Variants in PJA2 observed in about 807,000 individuals in gnomAD.
The protein encoded by PJA2 is praja ring finger ubiquitin ligase 2.
A neutral mutation model predicts 69.3 loss-of-function variants in PJA2; 25 were observed. That is an observed-to-expected ratio of 0.36 (90% confidence interval 0.26 to 0.50). PJA2 has a LOEUF of 0.50. PJA2 is among the 20% of genes least tolerant of loss of function. The probability of loss-of-function intolerance (pLI) is 0.96; values close to 1 mark genes in which losing one functional copy is unlikely to be tolerated. For missense variants in PJA2, 809 were observed against 830.2 expected (o/e 0.97, Z 0.31); for synonymous variants, 308 against 277.8 (o/e 1.11, Z -1.08).
chr5:109,378,123 AG>A, intron 4 of PJA2, 80 bp downstream of exon 4: 2 of 978,228 alleles, frequency 2.0e-6, no homozygotes, highest in Non-Finnish European at 3.1e-6. Context: ...CATATCAAAT[AG>A]CCCAGCCATC....
At chr5:109,353,033 T>C (rs1429731665) in intron 7 of PJA2, among the ~76,000 whole-genome samples, 2 of 137,418 alleles carry the variant, frequency 1.5e-5, no homozygotes, top group Admixed American at 1.5e-4. Flanking sequence ...GATATCTATA[T>C]ATTAGATACC....
chr5:109,346,572 C>T (rs1401415294), intron 7 of PJA2, among the ~76,000 whole-genome samples: 2 of 152,136 alleles, frequency 1.3e-5, no homozygotes, highest in African/African-American at 2.4e-5. Flanking sequence ...AATATTACTC[C>T]GCCTTGAAAA....
intron 9 of PJA2, among the ~76,000 whole-genome samples, chr5:109,342,435 G>GC (rs1212736282): frequency 6.8e-4 from 89 of 131,110 alleles, no homozygotes; most frequent in Non-Finnish European, 6.4e-4. Flanking sequence ...GGGGATGTCG[G>GC]CCCCCCGCCC....
At chr5:109,396,046 A>G (rs2127015382) in intron 1 of PJA2, among the ~76,000 whole-genome samples, 1 of 152,128 alleles carries the variant, frequency 6.6e-6, no homozygotes, top group African/African-American at 2.4e-5. Context: ...ACAAGCAGAC[A>G]GGTTACAAAA....
chr5:109,353,474 G>T (rs1286504352), intron 7 of PJA2, among the ~76,000 whole-genome samples: 1 of 101,288 alleles, frequency 9.9e-6, no homozygotes, highest in Non-Finnish European at 2.3e-5. Flanking sequence ...TATATCTATA[G>T]ATATCTAATA....
At position 109,381,608 on chromosome 5, in the gene PJA2, C is replaced by A; in HGVS notation, c.127G>T (p.Val43Phe). The A allele has an allele frequency of 1.2e-6, 2 of 1,614,100 alleles. No homozygotes were observed. The highest frequency in any genetic ancestry group is 1.7e-6 in the Non-Finnish European group (2 of 1,180,008). ...CTGGTCATACATGGTTTAAAACTGACATAAGCATGTCTTCTTCCATATCTC... is the reference window on the plus strand; with the variant it reads ...CTGGTCATACATGGTTTAAAACTGAAATAAGCATGTCTTCTTCCATATCTC... The part of the protein sequence containing the change: ...GRRYGRRHAY[V>F]SFKPCMTRHE... Residue 43 changes from valine to phenylalanine, a missense_variant, in exon 3 of 10, where the codon GTC becomes TTC. Physicochemically the swap from Val to Phe is conservative, Grantham distance 50 (BLOSUM62 -1). Transcript: ENST00000361189.
Position 109,378,921 on chromosome 5 carries a change from T to C in PJA2, c.566A>G (p.Glu189Gly). ...TAATGATTCCTGGTATCTACTACCT[T>C]CCACGACTTCTGCAGAAAGTTGAAG... ...DHLQLSAEVV[E>G]GSRYQESLGN... The change falls in exon 4 of 10, where the codon GAA becomes GGA. Residue 189 changes from glutamate (E) to glycine (G), a missense_variant. By Grantham distance (98) the Glu-to-Gly change is moderately conservative. Around this residue, in one of 4 missense-constraint regions of PJA2, gnomAD observed 700 missense variants for 639.5 expected, o/e 1.09. Coordinates refer to ENST00000361189, the MANE Select transcript of PJA2 (RefSeq NM_014819.5). The C allele has an allele frequency of 1.9e-6, 3 of 1,614,202 alleles. No homozygotes were observed. Among genetic ancestry groups the C allele is most frequent in the Non-Finnish European group, 2.5e-6 (3 of 1,180,034 alleles).
At chr5:109,368,491 C>G (rs1762621998) in intron 5 of PJA2, 70 bp downstream of exon 5, 5 of 1,359,762 alleles carry the variant, frequency 3.7e-6, no homozygotes, top group Non-Finnish European at 5.0e-6. Flanking sequence ...ATGGCATATC[C>G]AACATTTGAA....
chr5:109,387,543 G>A (rs1747186290), intron 1 of PJA2, among the ~76,000 whole-genome samples: 1 of 152,154 alleles, frequency 6.6e-6, no homozygotes. Flanking sequence ...CTCTCTACTT[G>A]TGACAATTAG....
rs934886694 is a variant in PJA2 at position 109,375,903 on chromosome 5, G to C, written c.1283+2301C>G. Among the ~76,000 whole-genome samples the C allele has an allele frequency of 1.8e-4, 28 of 152,142 alleles. 1 individual carries two copies. The highest frequency in any genetic ancestry group is 2.9e-5 in the Non-Finnish European group (2 of 68,022). On this transcript the variant is annotated intron_variant, in intron 4 of 9. Transcript: ENST00000361189. ...ATCCTTTGCAGGGAATTAGGGTAGAGGAACAGGACACAGCAGCATAGAAAC... is the reference window on the plus strand; with the variant it reads ...ATCCTTTGCAGGGAATTAGGGTAGACGAACAGGACACAGCAGCATAGAAAC...
At chr5:109,349,306 C>G (rs1762214813) in intron 7 of PJA2, among the ~76,000 whole-genome samples, 2 of 152,198 alleles carry the variant, frequency 1.3e-5, no homozygotes, top group African/African-American at 4.8e-5. Flanking sequence ...CTCCTAACAG[C>G]TGGCATGATG....
chr5:109,341,450 C>A (rs1348024086), intron 9 of PJA2, among the ~76,000 whole-genome samples: 10 of 139,912 alleles, frequency 7.1e-5, no homozygotes, highest in African/African-American at 2.1e-4. Flanking sequence ...CCGGCAGCTG[C>A]CCCGTCTGAG....
At chr5:109,386,236 T>C (rs1003060010) in intron 1 of PJA2, among the ~76,000 whole-genome samples, 1 of 151,944 alleles carries the variant, frequency 6.6e-6, no homozygotes, top group Non-Finnish European at 1.5e-5. Context: ...AAAAGAAAAA[T>C]ACTGAAGTGT....
At chr5:109,365,591 T>A (rs79978477) in intron 5 of PJA2, among the ~76,000 whole-genome samples, 1 of 147,804 alleles carries the variant, frequency 6.8e-6, no homozygotes, top group Non-Finnish European at 1.5e-5. Context: ...CCTTTTTTTT[T>A]TAAAACAACT....
At chr5:109,354,363 C>A (rs1304566287) in intron 7 of PJA2, among the ~76,000 whole-genome samples, 3 of 132,396 alleles carry the variant, frequency 2.3e-5, no homozygotes, top group Admixed American at 7.3e-5. Flanking sequence ...ATATCTATAT[C>A]TAGAGATATC....
At chr5:109,374,751 G>A (rs1416046795) in intron 4 of PJA2, among the ~76,000 whole-genome samples, 2 of 152,168 alleles carry the variant, frequency 1.3e-5, no homozygotes, top group Non-Finnish European at 2.9e-5. Context: ...CAAAAATTCT[G>A]CAAGAAACCT....
At chr5:109,357,837 T>C (rs1224598536) in intron 6 of PJA2, among the ~76,000 whole-genome samples, 2 of 152,222 alleles carry the variant, frequency 1.3e-5, no homozygotes, top group Non-Finnish European at 2.9e-5. Context: ...TCCTTCTCTT[T>C]GCAAAAAAAC....
intron 1 of PJA2, among the ~76,000 whole-genome samples, chr5:109,394,766 A>G (rs1747370409): frequency 6.6e-6 from 1 of 152,202 alleles, no homozygotes; most frequent in Non-Finnish European, 1.5e-5. Context: ...ACACAGATAA[A>G]CATTAGAGAA....
chr5:109,378,729 C>T lies in PJA2; in HGVS notation c.758G>A (p.Ser253Asn). 6.2e-7 allele frequency: 1 copy of T among 1,612,864 alleles called. No homozygotes were observed. Among genetic ancestry groups the T allele is most frequent in the Non-Finnish European group, 8.5e-7 (1 of 1,180,002 alleles). The part of the protein sequence containing the change: ...AGDTEFVHQN[S>N]QEIQRSSQDE... ...TTGAGAAGACCTCTGAATTTCCTGG[C>T]TATTCTGATGGACAAACTCAGTATC... The change falls in exon 4 of 10, where the codon AGC becomes AAC. Residue 253 changes from serine (S) to asparagine (N), a missense_variant. Around this residue, in one of 4 missense-constraint regions of PJA2, gnomAD observed 700 missense variants for 639.5 expected, o/e 1.09. Transcript: ENST00000361189.
Sources: allele counts gnomAD v4.1 joint callset (sites outside exome capture counted in the v4.1 genomes callset), GRCh38; gene constraint gnomAD v4.1.1; regional missense constraint gnomAD v4.1.1; transcripts MANE v1.5; gene names NCBI Gene and HGNC (gene_info 2026-07-23, HGNC 2026-07-21).